Variants in CNTN5 observed in about 807,000 individuals in gnomAD.
CNTN5 encodes contactin 5, also known as contactin-5.
Under a neutral mutation model 129.1 loss-of-function variants are expected in CNTN5, and 77 were observed. That is an observed-to-expected ratio of 0.60 (90% CI 0.50 to 0.72). The LOEUF is 0.72. Among genes scored for constraint, CNTN5 ranks in the 30% least tolerant of loss-of-function variants. The pLI is 0.00. For missense variants in CNTN5, 1,478 were observed against 1,328.8 expected (o/e 1.11, Z -1.75); for synonymous variants, 509 against 465.6 (o/e 1.09, Z -1.20).
intron 1 of CNTN5, among the ~76,000 whole-genome samples, chr11:99,035,447 G>T (rs551656068): frequency 6.6e-6 from 1 of 151,958 alleles, no homozygotes; most frequent in African/African-American, 2.4e-5. Context: ...TATGAATCTG[G>T]GTGCTCCTGT....
intron 20 of CNTN5, among the ~76,000 whole-genome samples, chr11:100,306,212 G>A (rs935635626): frequency 2.0e-5 from 3 of 151,556 alleles, no homozygotes; most frequent in Admixed American, 1.3e-4. Flanking sequence ...AATCCTTAGA[G>A]CTTTTAAATA....
chr11:99,909,139 T>C (rs1425523496), intron 6 of CNTN5, among the ~76,000 whole-genome samples: 2 of 152,128 alleles, frequency 1.3e-5, no homozygotes, highest in African/African-American at 4.8e-5. Context: ...ACTGATATTT[T>C]GGAGAGACAG....
intron 3 of CNTN5, among the ~76,000 whole-genome samples, chr11:99,814,620 A>T (rs1297580584): frequency 6.6e-6 from 1 of 152,112 alleles, no homozygotes; most frequent in African/African-American, 2.4e-5. Flanking sequence ...CTGAAGGTGC[A>T]TTGAAGGAAT....
intron 1 of CNTN5, among the ~76,000 whole-genome samples, chr11:99,087,990 A>T (rs1866068659): frequency 1.3e-5 from 2 of 152,188 alleles, no homozygotes; most frequent in Non-Finnish European, 2.9e-5. Context: ...TTGCACTATT[A>T]TCCCTAAATT....
chr11:99,766,877 A>G (rs192423118), intron 3 of CNTN5, among the ~76,000 whole-genome samples: 18 of 152,198 alleles, frequency 1.2e-4, no homozygotes, highest in Admixed American at 1.1e-3. Flanking sequence ...GCTCTTCTAG[A>G]TTATCTCAGA....
intron 3 of CNTN5, among the ~76,000 whole-genome samples, chr11:99,670,348 T>C (rs1174155212): frequency 6.6e-6 from 1 of 152,132 alleles, no homozygotes; most frequent in Non-Finnish European, 1.5e-5. Flanking sequence ...CCCTTTTGTC[T>C]CCTTGAAAAA....
intron 7 of CNTN5, among the ~76,000 whole-genome samples, chr11:99,934,898 G>GTATA (rs200635742): frequency 2.1e-4 from 14 of 67,928 alleles, no homozygotes; most frequent in African/African-American, 1.4e-3. Flanking sequence ...GTGTGTGTGT[G>GTATA]TATATATATA....
intron 3 of CNTN5, among the ~76,000 whole-genome samples, chr11:99,793,195 G>T (rs1012166504): frequency 2.0e-5 from 3 of 151,902 alleles, no homozygotes; most frequent in Admixed American, 6.6e-5. Context: ...GAGTAGCTGG[G>T]GCTACAGGCA....
At chr11:99,048,337 T>C (rs966389701) in intron 1 of CNTN5, among the ~76,000 whole-genome samples, 4 of 152,092 alleles carry the variant, frequency 2.6e-5, no homozygotes, top group African/African-American at 9.7e-5. Flanking sequence ...TGATGTCACA[T>C]TAAAATGCTA....
intron 1 of CNTN5, among the ~76,000 whole-genome samples, chr11:99,266,905 A>T (rs1466639856): frequency 6.6e-6 from 1 of 152,050 alleles, no homozygotes; most frequent in South Asian, 2.1e-4. Context: ...CAGTGTTTTT[A>T]TGGAATTGCA....
chr11:99,436,822 A>G (rs560679349), intron 2 of CNTN5, among the ~76,000 whole-genome samples: 1 of 152,276 alleles, frequency 6.6e-6, no homozygotes, highest in Non-Finnish European at 1.5e-5. Flanking sequence ...TTTCTTGATC[A>G]TAAGATCTCC....
At chr11:99,946,173 A>C (rs534804647) in intron 7 of CNTN5, among the ~76,000 whole-genome samples, 2 of 152,210 alleles carry the variant, frequency 1.3e-5, no homozygotes, top group East Asian at 3.9e-4. Flanking sequence ...GTATTCTTGA[A>C]ATTTTCAGTA....
At position 99,507,300 on chromosome 11, in the gene CNTN5, C is replaced by T. The variant is rs550562171; in HGVS notation, c.-70-48845C>T. ...GCTGAGGCAGGAGAATCGCTTGAAC[C>T]CGGGAGGCAGAAGTTGCAGTGAGCC... On this transcript the variant is annotated intron_variant, in intron 2 of 24. Transcript: ENST00000524871. Among the ~76,000 whole-genome samples, 31 of 149,802 alleles carry T rather than the reference C, an allele frequency of 2.1e-4. 1 individual carries two copies. The South Asian group carries it at 6.6e-3, about 32-fold the overall frequency.
intron 3 of CNTN5, among the ~76,000 whole-genome samples, chr11:99,638,601 G>T (rs1174710485): frequency 6.6e-6 from 1 of 152,168 alleles, no homozygotes; most frequent in Admixed American, 6.5e-5. Context: ...AGGCAATTGG[G>T]TAAATATAAC....
intron 2 of CNTN5, among the ~76,000 whole-genome samples, chr11:99,469,003 C>T (rs909128732): frequency 9.2e-5 from 14 of 151,842 alleles, no homozygotes; most frequent in African/African-American, 3.4e-4. Context: ...ACTCCTTGGC[C>T]TTCACAGCAT....
chr11:99,690,187 T>A (rs989235923), intron 3 of CNTN5, among the ~76,000 whole-genome samples: 38 of 152,164 alleles, frequency 2.5e-4, no homozygotes, highest in Admixed American at 2.0e-4. Context: ...AAGTAGGGAA[T>A]CCTTTCCCCA....
At chr11:99,922,255 G>A (rs1358777127) in intron 7 of CNTN5, among the ~76,000 whole-genome samples, 1 of 152,124 alleles carries the variant, frequency 6.6e-6, no homozygotes, top group African/African-American at 2.4e-5. Flanking sequence ...TCACCATCAT[G>A]AGAACACAAT....
intron 1 of CNTN5, among the ~76,000 whole-genome samples, chr11:99,088,286 T>C (rs1426586942): frequency 1.3e-5 from 2 of 152,176 alleles, no homozygotes; most frequent in Non-Finnish European, 2.9e-5. Context: ...AATGGGGTCT[T>C]TTGGCAAGCA....
intron 3 of CNTN5, among the ~76,000 whole-genome samples, chr11:99,789,818 G>T (rs1945673734): frequency 1.3e-5 from 2 of 151,908 alleles, no homozygotes; most frequent in Admixed American, 1.3e-4. Context: ...GCGCAGGTTT[G>T]TTACATGGTT....
Sources: gnomAD v4.1 joint callset for allele counts (sites outside exome capture counted in the v4.1 genomes callset) on GRCh38, gnomAD v4.1.1 for gene constraint, MANE v1.5 for transcripts, NCBI Gene and HGNC (gene_info 2026-07-23, HGNC 2026-07-21) for gene names.